MEGF6: variants seen among roughly 807,000 people sequenced by gnomAD.
The protein encoded by MEGF6 is multiple EGF like domains 6.
In MEGF6, 184 loss-of-function variants were observed where a neutral mutation model predicts 207.1. That is an observed-to-expected ratio of 0.89 (90% CI 0.79 to 1.00). The LOEUF is 1.00. Ranked by LOEUF, MEGF6 falls within the 50% of genes least tolerant of loss-of-function variation. The pLI, the probability that MEGF6 is intolerant of heterozygous loss-of-function variation, is 0.00. For missense variants in MEGF6, 2,282 were observed against 2,202.9 expected (o/e 1.04, Z -0.72); for synonymous variants, 1,038 against 910.0 (o/e 1.14, Z -2.53).
intron 3 of MEGF6, among the ~76,000 whole-genome samples, chr1:3,587,420 C>G (rs551014937): frequency 6.6e-6 from 1 of 152,386 alleles, no homozygotes; most frequent in East Asian, 1.9e-4. Flanking sequence ...TTTCTCCTAT[C>G]TCTTTTTCTC....
At chr1:3,608,777 A>C (rs1009614070) in intron 1 of MEGF6, among the ~76,000 whole-genome samples, 2 of 152,266 alleles carry the variant, frequency 1.3e-5, no homozygotes, top group South Asian at 4.1e-4. Context: ...CCCCGTTCCC[A>C]GATGCCCAGC....
At chr1:3,518,612 C>T (rs995588192) in intron 5 of MEGF6, among the ~76,000 whole-genome samples, 4 of 152,256 alleles carry the variant, frequency 2.6e-5, no homozygotes, top group Non-Finnish European at 5.9e-5. Context: ...AGCTCCTCTG[C>T]CCAAGCCTCC....
In MEGF6 at chr1:3,490,947, C is replaced by T. The variant is rs555498138; in HGVS notation, c.4529G>A (p.Arg1510Gln). Reference protein sequence around the residue: ...GPTCREGGPLRLPENPSLAQG... With the variant: ...GPTCREGGPLQLPENPSLAQG... ...GGCTAAGGACGGGTTCTCGGGGAGC[C>T]GGAGGGGCCCACCTGGAGGGGAGAG... The change falls in exon 36 of 37, where the codon CGG becomes CAG. Residue 1510 changes from arginine to glutamine, a missense_variant. Arg to Gln is a conservative substitution (Grantham distance 43). Coordinates refer to ENST00000356575, the MANE Select transcript of MEGF6 (RefSeq NM_001409.4). 22 of 1,601,110 alleles carry T rather than the reference C, an allele frequency of 1.4e-5. No individual in the cohort carries two copies. The highest frequency in any genetic ancestry group is 1.7e-4 in the Middle Eastern group (1 of 5,962).
In MEGF6 at chr1:3,498,767, C is replaced by G. The variant is rs754264321; in HGVS notation, c.3154G>C (p.Gly1052Arg). The G allele has an allele frequency of 1.9e-6, 3 of 1,558,488 alleles. No homozygotes were observed. In the Admixed American group the frequency reaches 5.7e-5, roughly 30 times the overall value. The change falls in exon 25 of 37, where the codon GGG becomes CGG. Residue 1052 changes from glycine to arginine, a missense_variant. By Grantham distance (125) the Gly-to-Arg change is moderately radical. Coordinates refer to ENST00000356575, the MANE Select transcript of MEGF6 (RefSeq NM_001409.4). ...CRHSCLCQNG[G>R]TCDPVSGHCA... ...TGGCCTGAGACAGGGTCACAGGTCC[C>G]TCCGTTCTGGCAGAGGCAGGAATGC...
intron 35 of MEGF6, among the ~76,000 whole-genome samples, chr1:3,491,172 C>T (rs1243338390): frequency 1.3e-5 from 2 of 152,072 alleles, no homozygotes; most frequent in South Asian, 2.1e-4. Context: ...GCTCTCAGCC[C>T]CTCCAAGCCT....
chr1:3,510,768 C>A lies in MEGF6; in HGVS notation c.1234+15G>T. ...CCAGGCCACCCCAGCTGTGCAGTGG[C>A]AGGGCAGTGCTCACCCTCACAGCCG... On this transcript the variant is annotated intron_variant, in intron 10 of 36. Coordinates refer to ENST00000356575, the MANE Select transcript of MEGF6 (RefSeq NM_001409.4). 1 of 1,590,474 alleles carries A rather than the reference C, an allele frequency of 6.3e-7. No individual in the cohort carries two copies. The highest frequency in any genetic ancestry group is 1.1e-5 in the South Asian group (1 of 89,764).
intron 4 of MEGF6, among the ~76,000 whole-genome samples, chr1:3,544,538 A>G (rs1228320666): frequency 1.3e-5 from 2 of 152,034 alleles, no homozygotes; most frequent in African/African-American, 4.8e-5. Context: ...GCCTGCCCTC[A>G]TGCAGGGGCT....
At chr1:3,515,823 C>T (rs1334163641) in intron 5 of MEGF6, among the ~76,000 whole-genome samples, 2 of 152,244 alleles carry the variant, frequency 1.3e-5, no homozygotes, top group Non-Finnish European at 2.9e-5. Context: ...GGACCCCACC[C>T]AGACAGAAGC....
At chr1:3,612,763 G>C (rs1349542772), upstream of MEGF6, among the ~76,000 whole-genome samples, 9 of 152,038 alleles carry the variant, frequency 5.9e-5, no homozygotes, top group Admixed American at 2.0e-4. Context: ...CTTGGGAAGG[G>C]AGCACCCCCT....
chr1:3,618,504 C>T, the MEGF6 span, among the ~76,000 whole-genome samples: 1 of 152,128 alleles, frequency 6.6e-6, no homozygotes, highest in Non-Finnish European at 1.5e-5. This position sits in a 1 kb window ranked among gnomAD's most constrained non-coding sequence, Gnocchi z 4.7. Context: ...AGGAAATTAC[C>T]ATCAACGCGA....
chr1:3,603,747 G>A lies in MEGF6; in HGVS notation c.132-1147C>T, dbSNP rs540845038. ...CGGTACCGCCCTCCGCCCAGGCCTT[G>A]CCAGGAGCTCCTAACCAGCCGCCGC... On this transcript the variant is annotated intron_variant, in intron 1 of 36. Transcript: ENST00000356575. 2.6e-5 allele frequency among the ~76,000 whole-genome samples: 4 copies of A among 152,000 alleles called. No homozygotes were observed. In the East Asian group the frequency reaches 7.7e-4, roughly 29 times the overall value.
chr1:3,497,302 C>T lies in MEGF6; in HGVS notation c.3412G>A (p.Ala1138Thr), dbSNP rs763219701. The T allele has an allele frequency of 2.5e-5, 38 of 1,550,602 alleles. No homozygotes were observed. The highest frequency in any genetic ancestry group is 1.2e-4 in the African/African-American group (9 of 72,306). Reference sequence around the variant, plus strand: ...GCCCCAGTGACGTGGTGGCAGGCAGCGCCAGGCGGGCAGCTGCAGCGCTGG... The same window carrying T: ...GCCCCAGTGACGTGGTGGCAGGCAGTGCCAGGCGGGCAGCTGCAGCGCTGG... The part of the protein sequence containing the change: ...CAQRCSCPPG[A>T]ACHHVTGACR... Residue 1138 changes from alanine to threonine, a missense_variant, in exon 27 of 37, where the codon GCT (alanine) becomes ACT (threonine). Ala to Thr is a moderately conservative substitution (Grantham distance 58). Transcript: ENST00000356575.
rs554210877 is a variant in MEGF6 at position 3,558,057 on chromosome 1, G to A, written c.481+21768C>T. 7.7e-4 allele frequency among the ~76,000 whole-genome samples: 118 copies of A among 152,266 alleles called. 1 individual carries two copies. Among genetic ancestry groups the A allele is most frequent in the African/African-American group, 2.6e-3 (108 of 41,552 alleles). ...CCCCGCTCCGTGCAGTGGTTCAGCC[G>A]GGCCGGTGGTCACGATCTGGATGTG... On this transcript the variant is annotated intron_variant, in intron 4 of 36. Transcript: ENST00000356575.
intron 18 of MEGF6, 37 bp downstream of exon 18, chr1:3,501,759 C>T: frequency 1.9e-6 from 3 of 1,605,014 alleles, no homozygotes; most frequent in Non-Finnish European, 2.5e-6. Context: ...GCCGTGCAGC[C>T]TGGGGAGGCG....
chr1:3,538,716 G>A (rs1457475046), intron 4 of MEGF6, among the ~76,000 whole-genome samples: 3 of 137,980 alleles, frequency 2.2e-5, no homozygotes, highest in Admixed American at 1.4e-4. Flanking sequence ...GTGTGTGTGT[G>A]TGTGTGTGTG....
Position 3,510,873 on chromosome 1 carries a change from A to T in MEGF6, c.1144T>A (p.Cys382Ser). 1 of 1,609,394 alleles carries T rather than the reference A, an allele frequency of 6.2e-7. No homozygotes were observed. Among genetic ancestry groups the T allele is most frequent in the Non-Finnish European group, 8.5e-7 (1 of 1,177,126 alleles). ...DVDDCADSPC[C>S]QQVCTNNPGG... ...GGGTTGTTGGTGCACACCTGCTGGC[A>T]GCACGGGCTGTCTGCACAGTCGTCG... Residue 382 changes from cysteine to serine, a missense_variant, in exon 10 of 37, where the codon TGC becomes AGC. By Grantham distance (112) the Cys-to-Ser change is moderately radical. Coordinates refer to ENST00000356575, the MANE Select transcript of MEGF6 (RefSeq NM_001409.4).
rs1479993856 is a variant in MEGF6 at position 3,500,687 on chromosome 1, T to C, written c.2653A>G (p.Ile885Val). Residue 885 changes from isoleucine to valine, a missense_variant, in exon 21 of 37, where the codon ATC becomes GTC. Physicochemically the swap from Ile to Val is conservative, Grantham distance 29. Transcript: ENST00000356575. ...CSAGHGSCDA[I>V]SGLCLCEAGY... ...GCCTCACACAGACACAGGCCGCTGA[T>C]GGCATCACAGCTCCCGTGGCCAGCG... 1.3e-6 allele frequency: 2 copies of C among 1,580,034 alleles called. No individual in the cohort carries two copies. Among genetic ancestry groups the C allele is most frequent in the African/African-American group, 1.3e-5 (1 of 74,148 alleles).
the MEGF6 span, among the ~76,000 whole-genome samples, chr1:3,617,959 A>G: frequency 0.72 from 108,980 of 152,050 alleles, 40,167 homozygotes; most frequent in East Asian, 0.98. Flanking sequence ...GAGGCACCCA[A>G]GGCCCTGTCC....
chr1:3,620,794 T>C, the MEGF6 span, among the ~76,000 whole-genome samples: 1 of 152,208 alleles, frequency 6.6e-6, no homozygotes, highest in South Asian at 2.1e-4. Context: ...CGGAGACCGG[T>C]AGCAGCCCCG....
Sources: gnomAD v4.1 joint callset for allele counts (sites outside exome capture counted in the v4.1 genomes callset) on GRCh38, gnomAD v4.1.1 for gene constraint, Gnocchi (gnomAD v3.1) non-coding constraint, MANE v1.5 for transcripts, NCBI Gene and HGNC (gene_info 2026-07-23, HGNC 2026-07-21) for gene names.